The following BCR variants were observed in gnomAD, a reference collection of about 807,000 sequenced individuals.
BCR encodes BCR activator of RhoGEF and GTPase.
Under a neutral mutation model 138.6 loss-of-function variants are expected in BCR, and 58 were observed. The ratio of observed to expected loss-of-function variants is 0.42; its 90% CI spans 0.34 to 0.52. The LOEUF is 0.52. Among genes scored for constraint, BCR ranks in the 20% least tolerant of loss-of-function variants. The pLI is 0.06. For synonymous variants in BCR, 786 were observed against 730.1 expected (o/e 1.08, Z -1.23); for missense variants, 1,599 against 1,727.2 (o/e 0.93, Z 1.32).
chr22:23,264,049 G>C, intron 4 of BCR: 1 of 1,036,522 alleles, frequency 9.6e-7, no homozygotes, highest in South Asian at 1.3e-5. Flanking sequence ...CTGCTCTCCT[G>C]TGGCTATGAC....
At chr22:23,256,317 G>T (rs1415306494) in intron 2 of BCR, among the ~76,000 whole-genome samples, 4 of 152,172 alleles carry the variant, frequency 2.6e-5, no homozygotes, top group South Asian at 4.1e-4. Context: ...GACTCCTGTG[G>T]CATGGGTCTT....
chr22:23,192,119 C>A (rs145423028), intron 1 of BCR, among the ~76,000 whole-genome samples: 1 of 152,314 alleles, frequency 6.6e-6, no homozygotes, highest in East Asian at 1.9e-4. Context: ...GGACACCCCA[C>A]TGAAGTAGTA....
At chr22:23,267,375 T>G (rs1405924010) in intron 4 of BCR, among the ~76,000 whole-genome samples, 1 of 152,098 alleles carries the variant, frequency 6.6e-6, no homozygotes, top group African/African-American at 2.4e-5. Context: ...CCTCGTACAC[T>G]CTAAGACCCT....
chr22:23,234,942 T>C (rs967671489), intron 1 of BCR, among the ~76,000 whole-genome samples: 1 of 143,608 alleles, frequency 7.0e-6, no homozygotes, highest in South Asian at 2.4e-4. Context: ...CCTACCATGC[T>C]TAGAGGAGTC....
chr22:23,283,840 C>T, intron 8 of BCR, 137 bp from the exon 9 acceptor site: 1 of 1,167,052 alleles, frequency 8.6e-7, no homozygotes, highest in Non-Finnish European at 1.2e-6. Context: ...GTGTGAGGGT[C>T]AGATGTGGAG....
chr22:23,315,360 C>T, intron 22 of BCR, 73 bp from the exon 23 acceptor site: 1 of 1,425,174 alleles, frequency 7.0e-7, no homozygotes, highest in Non-Finnish European at 9.9e-7. Context: ...AGGCTTGGGC[C>T]CCAAAGACCT....
intron 16 of BCR, among the ~76,000 whole-genome samples, chr22:23,307,285 A>G (rs1255704362): frequency 6.7e-6 from 1 of 148,888 alleles, no homozygotes; most frequent in Admixed American, 6.7e-5. Flanking sequence ...TTTTTTTTTT[A>G]TAGAGACAGG....
chr22:23,260,328 G>C (rs529003676), intron 2 of BCR, among the ~76,000 whole-genome samples: 1 of 152,314 alleles, frequency 6.6e-6, no homozygotes, highest in South Asian at 2.1e-4. Flanking sequence ...GTGATGTCAG[G>C]GTCTAAAAAG....
At chr22:23,208,486 A>C (rs908400793) in intron 1 of BCR, among the ~76,000 whole-genome samples, 1 of 152,142 alleles carries the variant, frequency 6.6e-6, no homozygotes, top group African/African-American at 2.4e-5. Flanking sequence ...AACACAGTTC[A>C]GTGGTGTTGA....
In BCR at chr22:23,273,098, G is replaced by C. The variant is rs1252548436; in HGVS notation, c.1939G>C (p.Val647Leu). Reference sequence around the variant, plus strand: ...CTCCACAGCTCTGCTCTACAAGCCTGTGGACCGTGTGACGAGGAGCACGCT... The same window carrying C: ...CTCCACAGCTCTGCTCTACAAGCCTCTGGACCGTGTGACGAGGAGCACGCT... ...NSLETLLYKP[V>L]DRVTRSTLVL... The change falls in exon 7 of 23, where the codon GTG (valine) becomes CTG (leucine). Residue 647 changes from valine (V) to leucine (L), a missense_variant. Transcript: ENST00000305877. 5 of 1,613,544 alleles carry C rather than the reference G, an allele frequency of 3.1e-6. No homozygotes were observed. Among genetic ancestry groups the C allele is most frequent in the Non-Finnish European group, 4.2e-6 (5 of 1,179,812 alleles).
chr22:23,200,043 C>A (rs1169732568), intron 1 of BCR, among the ~76,000 whole-genome samples: 1 of 150,972 alleles, frequency 6.6e-6, no homozygotes, highest in Non-Finnish European at 1.5e-5. Flanking sequence ...AGCCAAGATC[C>A]ACCACTGCAC....
intron 1 of BCR, among the ~76,000 whole-genome samples, chr22:23,211,411 G>T (rs1268521770): frequency 6.6e-6 from 1 of 151,912 alleles, no homozygotes; most frequent in Admixed American, 6.6e-5. Context: ...TGTTAGCCAG[G>T]ATGGTCTCGA....
At chr22:23,263,316 A>T in intron 4 of BCR, 1 of 1,175,908 alleles carries the variant, frequency 8.5e-7, no homozygotes, top group Non-Finnish European at 1.2e-6. Context: ...GCACTTCACC[A>T]ACTGCGACCT....
In BCR at chr22:23,181,192, C is replaced by G. The variant is rs761816882; in HGVS notation, c.232C>G (p.Arg78Gly). Reference sequence around the variant, plus strand: ...CTATGACCGGCAGCGATGGGGCTTCCGGCGCGCGGCGCAGGCCCCCGACGG... The same window carrying G: ...CTATGACCGGCAGCGATGGGGCTTCGGGCGCGCGGCGCAGGCCCCCGACGG... ...KSYDRQRWGF[R>G]RAAQAPDGAS... is the part of the protein sequence containing the mutation. Residue 78 changes from arginine to glycine, a missense_variant, in exon 1 of 23, where the codon CGG (arginine) becomes GGG (glycine). Transcript: ENST00000305877. 7.6e-7 allele frequency: 1 copy of G among 1,322,426 alleles called. No individual in the cohort carries two copies. The highest frequency in any genetic ancestry group is 2.7e-5 in the Admixed American group (1 of 36,528). The allele number at this position is 1,322,426 out of a possible 1,614,324, so 81.9% of individuals were successfully genotyped here. A position where few individuals can be genotyped will look rare whatever the true frequency, so the allele number is the denominator to read the frequency against.
chr22:23,287,009 G>T (rs2073721606), intron 10 of BCR, 150 bp from the exon 11 acceptor site: 1 of 1,347,086 alleles, frequency 7.4e-7, no homozygotes, highest in South Asian at 1.4e-5. Context: ...ACCAGCAACT[G>T]CGGTCTGGGG....
Position 23,181,058 on chromosome 22 carries a change from A to G in BCR, c.98A>G (p.Gln33Arg). 1 of 1,518,896 alleles carries G rather than the reference A, an allele frequency of 6.6e-7. No individual in the cohort carries two copies. The highest frequency in any genetic ancestry group is 8.9e-7 in the Non-Finnish European group (1 of 1,127,692). 94.1% of individuals were successfully genotyped at this position (1,518,896 alleles called of 1,614,324 possible). The change falls in exon 1 of 23, where the codon CAG (glutamine) becomes CGG (arginine). Residue 33 changes from glutamine (Q) to arginine (R), a missense_variant. This residue lies in a region of BCR where 806 missense variants were observed against 635.0 expected (regional missense o/e 1.27). Coordinates refer to ENST00000305877, the MANE Select transcript of BCR (RefSeq NM_004327.4). Reference protein sequence around the residue: ...MELRSVGDIEQELERCKASIR... With the variant: ...MELRSVGDIERELERCKASIR... ...CTGCGCTCAGTGGGCGACATCGAGC[A>G]GGAGCTGGAGCGCTGCAAGGCCTCC...
At chr22:23,267,883 C>A (rs1044846611) in intron 4 of BCR, among the ~76,000 whole-genome samples, 3 of 152,262 alleles carry the variant, frequency 2.0e-5, no homozygotes, top group African/African-American at 4.8e-5. Flanking sequence ...GCACCCTCAC[C>A]AGGCCCAGGA....
chr22:23,261,172 C>A, intron 3 of BCR, 118 bp downstream of exon 3: 1 of 1,239,028 alleles, frequency 8.1e-7, no homozygotes, highest in African/African-American at 1.5e-5. Context: ...CTCGCCATCC[C>A]TGGAGTGGAT....
In BCR at chr22:23,314,652, C is replaced by T; in HGVS notation, c.3664C>T (p.Pro1222Ser). ...GCCCTCCGAGAAGGAGAGCAAGCTC[C>T]CTGCCAACCCCAGCCAGCCTATCAC... ...LRPSEKESKL[P>S]ANPSQPITMT... The change falls in exon 22 of 23, where the codon CCT (proline) becomes TCT (serine). Residue 1222 changes from proline to serine, a missense_variant. By Grantham distance (74) the Pro-to-Ser change is moderately conservative. Coordinates refer to ENST00000305877, the MANE Select transcript of BCR (RefSeq NM_004327.4). The T allele has an allele frequency of 6.2e-7, 1 of 1,611,990 alleles. No individual in the cohort carries two copies.
Sources: allele counts gnomAD v4.1 joint callset (sites outside exome capture counted in the v4.1 genomes callset), GRCh38; gene constraint gnomAD v4.1.1; regional missense constraint gnomAD v4.1.1; transcripts MANE v1.5; gene names NCBI Gene and HGNC (gene_info 2026-07-23, HGNC 2026-07-21).